Variants in PDE8B observed in about 807,000 individuals in gnomAD.
PDE8B encodes the protein high affinity cAMP-specific and IBMX-insensitive 3',5'-cyclic phosphodiesterase 8B.
In PDE8B, 26 loss-of-function variants were observed where a neutral mutation model predicts 101.3. The ratio of observed to expected loss-of-function variants is 0.26; its 90% CI spans 0.19 to 0.36. The LOEUF (loss-of-function observed/expected upper bound fraction) is 0.36. Ranked by LOEUF, PDE8B falls within the 10% of genes least tolerant of loss-of-function variation. The probability of loss-of-function intolerance (pLI) is 1.00; values close to 1 mark genes in which losing one functional copy is unlikely to be tolerated. For synonymous variants in PDE8B, 424 were observed against 429.3 expected, an observed-to-expected ratio of 0.99 and a Z score of 0.15; for missense variants, 810 against 1,163.1, an observed-to-expected ratio of 0.70 and a Z score of 4.42.
chr5:77,277,768 TCA>T, intron 1 of PDE8B, among the ~76,000 whole-genome samples: 1 of 152,196 alleles, frequency 6.6e-6, no homozygotes. Flanking sequence ...TCTCTTTTAT[TCA>T]CAGTGAGACA....
chr5:77,210,638 C>A, upstream of PDE8B: 1 of 981,058 alleles, frequency 1.0e-6, no homozygotes, highest in Admixed American at 6.3e-5. The surrounding 1 kb of genome is among the most constrained non-coding windows in gnomAD (Gnocchi z 4.9). Context: ...TTTGGGGCGC[C>A]GCGGCGGGGA....
the PDE8B span, among the ~76,000 whole-genome samples, chr5:77,099,884 A>T: frequency 6.6e-6 from 1 of 152,214 alleles, no homozygotes; most frequent in Non-Finnish European, 1.5e-5. Flanking sequence ...TGCGGGGATT[A>T]CAGGCGTGAA....
At chr5:77,096,597 T>G in the PDE8B span, among the ~76,000 whole-genome samples, 16,630 of 152,168 alleles carry the variant, frequency 0.11, 2,791 homozygotes, top group African/African-American at 0.36. Flanking sequence ...TTAATGAGGG[T>G]AGGGCTCTCA....
chr5:77,354,106 A>G (rs1781653740), intron 10 of PDE8B, among the ~76,000 whole-genome samples: 1 of 152,248 alleles, frequency 6.6e-6, no homozygotes, highest in African/African-American at 2.4e-5. Flanking sequence ...AAAGAGGGAC[A>G]GTATCTCTAA....
At chr5:77,301,440 T>C (rs1005998952) in intron 1 of PDE8B, among the ~76,000 whole-genome samples, 2 of 152,118 alleles carry the variant, frequency 1.3e-5, no homozygotes, top group Non-Finnish European at 1.5e-5. Context: ...CCCAACTTCA[T>C]GTAATGTTCA....
chr5:77,171,662 C>A, the PDE8B span, among the ~76,000 whole-genome samples: 2 of 152,144 alleles, frequency 1.3e-5, no homozygotes, highest in Admixed American at 1.3e-4. Context: ...CTTATTTACA[C>A]AGGTGTGGGC....
chr5:77,397,285 C>T (rs1006069912), intron 10 of PDE8B, among the ~76,000 whole-genome samples: 16 of 152,050 alleles, frequency 1.1e-4, no homozygotes, highest in African/African-American at 3.6e-4. Context: ...CTGACTTGGC[C>T]TCCCAAAGTG....
At chr5:77,410,948 T>G (rs959869166) in intron 14 of PDE8B, 1 of 152,352 alleles carries the variant, frequency 6.6e-6, no homozygotes, top group African/African-American at 2.4e-5. Context: ...TAAATGACTT[T>G]TAAGCAAAGA....
At position 77,211,662 on chromosome 5, in the gene PDE8B, G is replaced by A. The variant is rs910650795; in HGVS notation, c.339+398G>A. Among the ~76,000 whole-genome samples, 3 of 152,242 alleles carry A rather than the reference G, an allele frequency of 2.0e-5. No individual in the cohort carries two copies. The highest frequency in any genetic ancestry group is 7.2e-5 in the African/African-American group (3 of 41,470). On this transcript the variant is annotated intron_variant, in intron 1 of 21. Coordinates refer to ENST00000264917, the MANE Select transcript of PDE8B (RefSeq NM_003719.5). This position sits in a 1 kb window ranked among gnomAD's most constrained non-coding sequence, Gnocchi z 4.1. ...TCTGAGCACTGAGCTGGATTTGCGT[G>A]CCTTGTAGGTGACTGGTGCAGTTGC... is the stretch of plus-strand genomic sequence containing the variant.
chr5:77,130,688 A>G, the PDE8B span, among the ~76,000 whole-genome samples: 1 of 152,228 alleles, frequency 6.6e-6, no homozygotes. Flanking sequence ...AATCAAATAC[A>G]TTGATATTTA....
At chr5:77,347,894 T>C (rs1384955000) in intron 7 of PDE8B, among the ~76,000 whole-genome samples, 3 of 152,066 alleles carry the variant, frequency 2.0e-5, no homozygotes, top group Non-Finnish European at 2.9e-5. Flanking sequence ...CCGGGAGGTA[T>C]GAGGCTGGCT....
At chr5:77,281,417 A>G (rs1764976029) in intron 1 of PDE8B, among the ~76,000 whole-genome samples, 1 of 152,232 alleles carries the variant, frequency 6.6e-6, no homozygotes, top group African/African-American at 2.4e-5. Context: ...CCAGAAATTC[A>G]AAATGAATCT....
intron 1 of PDE8B, among the ~76,000 whole-genome samples, chr5:77,220,189 C>A (rs1750787061): frequency 6.6e-6 from 1 of 152,130 alleles, no homozygotes; most frequent in South Asian, 2.1e-4. Context: ...CATGTGGAGC[C>A]CAGGGTGAGG....
intron 1 of PDE8B, among the ~76,000 whole-genome samples, chr5:77,255,954 G>T (rs1304034337): frequency 1.3e-5 from 2 of 152,190 alleles, no homozygotes; most frequent in African/African-American, 4.8e-5. Flanking sequence ...TCATCTTGGA[G>T]TAAGCCCTGC....
intron 1 of PDE8B, among the ~76,000 whole-genome samples, chr5:77,258,914 T>C (rs1033911727): frequency 1.3e-5 from 2 of 151,970 alleles, no homozygotes; most frequent in African/African-American, 4.8e-5. Flanking sequence ...GCAGGGGCAG[T>C]GAGAGGCAAA....
intron 20 of PDE8B, among the ~76,000 whole-genome samples, 180 bp downstream of exon 20, chr5:77,422,168 T>C (rs2151193641): frequency 6.6e-6 from 1 of 152,338 alleles, no homozygotes; most frequent in South Asian, 2.1e-4. Context: ...AGCTGACTGA[T>C]GGGGCTGATC....
At chr5:77,347,388 C>A (rs2150411991) in intron 7 of PDE8B, among the ~76,000 whole-genome samples, 1 of 152,290 alleles carries the variant, frequency 6.6e-6, no homozygotes, top group East Asian at 1.9e-4. Flanking sequence ...GTACCTGCTG[C>A]ATTCTGAGGT....
In PDE8B at chr5:77,366,164, T is replaced by C. The variant is rs568834192; in HGVS notation, c.1167+12758T>C. ...GAAGTAATAGTGTGAGTGGGATTTA[T>C]ACAGTTTCCTGCTTTAATTGAAATT... On this transcript the variant is annotated intron_variant, in intron 10 of 21. Transcript: ENST00000264917. Among the ~76,000 whole-genome samples, 5 of 152,354 alleles carry C rather than the reference T, an allele frequency of 3.3e-5. No individual in the cohort carries two copies. The South Asian group carries it at 1.0e-3, about 32-fold the overall frequency.
chr5:77,425,688 G>T, intron 20 of PDE8B, 79 bp from the exon 21 acceptor site: 1 of 1,429,984 alleles, frequency 7.0e-7, no homozygotes, highest in South Asian at 1.1e-5. Flanking sequence ...ATTTTCACAG[G>T]GTTGTTCTGA....
Sources: allele counts gnomAD v4.1 joint callset (sites outside exome capture counted in the v4.1 genomes callset), GRCh38; gene constraint gnomAD v4.1.1; non-coding constraint Gnocchi (gnomAD v3.1); transcripts MANE v1.5; gene names NCBI Gene and HGNC (gene_info 2026-07-23, HGNC 2026-07-21).